HEATR5A: variants seen among roughly 807,000 people sequenced by gnomAD.
The protein encoded by HEATR5A is HEAT repeat containing 5A.
HEATR5A carries 178 observed loss-of-function variants against 218.8 expected under a neutral mutation model. The ratio of observed to expected loss-of-function variants is 0.81; its 90% CI spans 0.72 to 0.92. The LOEUF (loss-of-function observed/expected upper bound fraction) is 0.92, where lower values mean the gene tolerates loss of function less well. Ranked by LOEUF, HEATR5A falls within the 40% of genes least tolerant of loss-of-function variation. The pLI, the probability that HEATR5A is intolerant of heterozygous loss-of-function variation, is 0.00. For missense variants in HEATR5A, 2,420 were observed against 2,418.9 expected (o/e 1.00, Z -0.01); for synonymous variants, 864 against 871.6 (o/e 0.99, Z 0.15).
At chr14:31,325,484 ATATGTATG>A (rs543647892) in intron 23 of HEATR5A, among the ~76,000 whole-genome samples, 322 of 142,282 alleles carry the variant, frequency 2.3e-3, no homozygotes, top group Non-Finnish European at 3.6e-3. Flanking sequence ...ATGTATGAAC[ATATGTATG>A]TATGTATGTA....
rs550025652 is a variant in HEATR5A, at chr14:31,302,476, C to G, written c.5283G>C (p.Gly1761=). 38 of 1,591,660 alleles carry G rather than the reference C, an allele frequency of 2.4e-5. No homozygotes were observed. The East Asian group carries it at 8.4e-4, about 35-fold the overall frequency. The change falls in exon 33 of 36, where the codon GGG becomes GGC. Residue 1761 remains glycine, a synonymous_variant. Transcript: ENST00000543095. ...ILPTILYLTI[G]VLRETAVKLP... is the part of the protein sequence containing the mutation. Reference sequence around the variant, plus strand: ...ACTTCACAGCAGTCTCTCTGAGGACCCCGATTGTGAGGTACAATATAGTAG... The same window carrying G: ...ACTTCACAGCAGTCTCTCTGAGGACGCCGATTGTGAGGTACAATATAGTAG...
intron 12 of HEATR5A, among the ~76,000 whole-genome samples, chr14:31,374,406 GAC>G (rs1902151027): frequency 6.6e-6 from 1 of 151,770 alleles, no homozygotes; most frequent in Non-Finnish European, 1.5e-5. Context: ...TTAAAAGCTA[GAC>G]ACAGATTTTT....
At position 31,358,897 on chromosome 14, in the gene HEATR5A, T is replaced by C. The variant is rs770176497; in HGVS notation, c.2232A>G (p.Glu744=). ...CAAGAGTAAAAAATGGCCATACCTG[T>C]TCTTCAATAAATCTATGGTCAGTCT... ...LQETDHRFIE[E]QLLLGNGVAC... Residue 744 remains glutamate, a synonymous_variant, in exon 15 of 36, where the codon GAA becomes GAG. Transcript: ENST00000543095. 1 of 1,596,616 alleles carries C rather than the reference T, an allele frequency of 6.3e-7. No homozygotes were observed.
Position 31,293,633 on chromosome 14 carries a change from A to G in HEATR5A, c.5834-21T>C, listed in dbSNP as rs770911746. On this transcript the variant is annotated intron_variant, in intron 35 of 35. Coordinates refer to ENST00000543095, the MANE Select transcript of HEATR5A (RefSeq NM_015473.4). Reference sequence around the variant, plus strand: ...AGCGCCTAGAAAGTAAACAAATAATATAAGTTCAGTGACATAAATGTTTCT... The same window carrying G: ...AGCGCCTAGAAAGTAAACAAATAATGTAAGTTCAGTGACATAAATGTTTCT... 17 of 1,572,798 alleles carry G rather than the reference A, an allele frequency of 1.1e-5. No individual in the cohort carries two copies. The East Asian group carries it at 1.1e-4, about 10-fold the overall frequency.
At chr14:31,387,440 A>C in intron 7 of HEATR5A, 65 bp from the exon 8 acceptor site, 1 of 1,133,028 alleles carries the variant, frequency 8.8e-7, no homozygotes, top group Non-Finnish European at 1.3e-6. Flanking sequence ...TCCCCCACAA[A>C]ACATGTAGCA....
At chr14:31,304,452 T>G (rs764662439) in intron 32 of HEATR5A, among the ~76,000 whole-genome samples, 12 of 152,244 alleles carry the variant, frequency 7.9e-5, no homozygotes, top group Middle Eastern at 6.8e-3. Flanking sequence ...AATTTCACTC[T>G]TGTTGCCCAG....
At chr14:31,328,339 A>C (rs1814846471) in intron 22 of HEATR5A, among the ~76,000 whole-genome samples, 1 of 152,186 alleles carries the variant, frequency 6.6e-6, no homozygotes. Flanking sequence ...GAAATGTTTC[A>C]GATTAGGGAT....
rs1364889705 is a variant in HEATR5A, at chr14:31,395,265, A to T, written c.531T>A (p.Asp177Glu). The part of the protein sequence containing the change: ...LGAAAAPCHR[D>E]VYKAARSCLT... ...AGCAGGATCTAGCAGCTTTATAAAC[A>T]TCCCTGTGACAAGGTGCAGCGGCAG... The change falls in exon 5 of 36, where the codon GAT (aspartate) becomes GAA (glutamate). Residue 177 changes from aspartate to glutamate, a missense_variant. Asp to Glu is a conservative substitution (Grantham distance 45). Transcript: ENST00000543095. 6.5e-7 allele frequency: 1 copy of T among 1,533,024 alleles called. No homozygotes were observed. 95.0% of individuals were successfully genotyped at this position (1,533,024 alleles called of 1,614,324 possible).
intron 13 of HEATR5A, among the ~76,000 whole-genome samples, chr14:31,367,971 T>C (rs1901867700): frequency 6.6e-6 from 1 of 152,076 alleles, no homozygotes; most frequent in African/African-American, 2.4e-5. Flanking sequence ...CAGTTTGTTA[T>C]CCATATTTAA....
intron 33 of HEATR5A, chr14:31,296,337 C>A: frequency 3.3e-6 from 1 of 305,154 alleles, no homozygotes; most frequent in South Asian, 5.2e-5. Context: ...AGTTGTGTGA[C>A]TTTGGACATC....
At chr14:31,389,124 C>G (rs1463164871) in intron 6 of HEATR5A, 119 bp from the exon 7 acceptor site, 4 of 904,414 alleles carry the variant, frequency 4.4e-6, no homozygotes, top group Non-Finnish European at 3.3e-6. Flanking sequence ...AAACAAAATG[C>G]AAAATTTACA....
At chr14:31,332,202 CAGTGATCTTTGATT>C (rs1364943449) in intron 22 of HEATR5A, among the ~76,000 whole-genome samples, 2 of 152,210 alleles carry the variant, frequency 1.3e-5, no homozygotes, top group African/African-American at 4.8e-5. Context: ...GATCTGTGAT[CAGTGATCTTTGATT>C]GGTGATCTTT....
rs61995527 is a variant in HEATR5A at position 31,293,429 on chromosome 14, T to C, written c.6017A>G (p.Lys2006Arg). The change falls in exon 36 of 36, where the codon AAA becomes AGA. Residue 2006 changes from lysine (K) to arginine (R), a missense_variant. Coordinates refer to ENST00000543095, the MANE Select transcript of HEATR5A (RefSeq NM_015473.4). ...KSLVASSPAL[K>R]ARLEAAIKGN... is the part of the protein sequence containing the mutation. ...CTTTATAGCAGCCTCAAGGCGGGCT[T>C]TTAGGGCTGGAGAAGAAGCCACTAA... 1,455 of 1,613,888 alleles carry C rather than the reference T, an allele frequency of 9.0e-4. 1 individual carries two copies. The highest frequency in any genetic ancestry group is 1.2e-3 in the Non-Finnish European group (1,379 of 1,179,882).
At chr14:31,353,130 C>T (rs1901290990) in intron 16 of HEATR5A, among the ~76,000 whole-genome samples, 1 of 151,466 alleles carries the variant, frequency 6.6e-6, no homozygotes, top group Non-Finnish European at 1.5e-5. Context: ...ACCCCAAATC[C>T]CACCACCTAC....
chr14:31,320,105 T>C (rs1900041723), intron 25 of HEATR5A: 1 of 222,542 alleles, frequency 4.5e-6, no homozygotes, highest in Non-Finnish European at 9.0e-6. Context: ...TTAACCTTTA[T>C]TTATTTATTT....
chr14:31,334,070 A>C (rs960165399), intron 22 of HEATR5A, among the ~76,000 whole-genome samples: 1 of 147,192 alleles, frequency 6.8e-6, no homozygotes, highest in African/African-American at 2.5e-5. Flanking sequence ...AACTATGCCA[A>C]ATCTGCCTGG....
rs778171452 is a variant in HEATR5A, at chr14:31,321,531, C to T, written c.3937G>A (p.Gly1313Ser). Residue 1313 changes from glycine to serine, a missense_variant, in exon 25 of 36, where the codon GGT (glycine) becomes AGT (serine). Gly to Ser is a moderately conservative substitution (Grantham distance 56). Transcript: ENST00000543095. ...FATVPEPEFP[G>S]HVILEQYQAN... ...TGATACTGTTCCAGAATCACATGAC[C>T]TGGAAACTCTGGTTCTGGAACAGTT... The T allele has an allele frequency of 6.2e-7, 1 of 1,602,248 alleles. No individual in the cohort carries two copies. Among genetic ancestry groups the T allele is most frequent in the Non-Finnish European group, 8.5e-7 (1 of 1,174,212 alleles).
At chr14:31,389,521 T>C (rs1168068453) in intron 6 of HEATR5A, among the ~76,000 whole-genome samples, 2 of 152,210 alleles carry the variant, frequency 1.3e-5, no homozygotes, top group Non-Finnish European at 2.9e-5. Context: ...AAATCAAAGC[T>C]AAATTCATTA....
intron 6 of HEATR5A, among the ~76,000 whole-genome samples, chr14:31,390,989 A>C (rs2030430622): frequency 6.6e-6 from 1 of 152,130 alleles, no homozygotes. Context: ...CAAGATACTA[A>C]GGTGAAAGAC....
Sources: allele counts gnomAD v4.1 joint callset (sites outside exome capture counted in the v4.1 genomes callset), GRCh38; gene constraint gnomAD v4.1.1; transcripts MANE v1.5; gene names NCBI Gene and HGNC (gene_info 2026-07-23, HGNC 2026-07-21).